TOX: variants seen among roughly 807,000 people sequenced by gnomAD.
The protein encoded by TOX is thymocyte selection associated high mobility group box.
In TOX, 11 loss-of-function variants were observed where a neutral mutation model predicts 53.7. That is an observed-to-expected ratio of 0.20 (90% CI 0.13 to 0.34). The LOEUF (loss-of-function observed/expected upper bound fraction) is 0.34, where lower values mean the gene tolerates loss of function less well. TOX is among the 10% of genes least tolerant of loss of function. TOX has a pLI of 1.00. For missense variants in TOX, 570 were observed against 664.6 expected, an observed-to-expected ratio of 0.86 and a Z score of 1.56; for synonymous variants, 225 against 245.3, an observed-to-expected ratio of 0.92 and a Z score of 0.77.
At chr8:58,905,765 T>C (rs1563385408) in intron 3 of TOX, among the ~76,000 whole-genome samples, 1 of 152,228 alleles carries the variant, frequency 6.6e-6, no homozygotes. Flanking sequence ...GAGTTACAAT[T>C]TGGATTCCCT....
chr8:59,074,043 A>G (rs927842109), intron 1 of TOX, among the ~76,000 whole-genome samples: 1 of 152,210 alleles, frequency 6.6e-6, no homozygotes, highest in Non-Finnish European at 1.5e-5. Context: ...AAACCATGGC[A>G]ATAAGTACCA....
intron 1 of TOX, among the ~76,000 whole-genome samples, chr8:59,049,536 T>G (rs1803752684): frequency 6.6e-6 from 1 of 152,196 alleles, no homozygotes. Context: ...ACTGGATTTT[T>G]TTTCGAACAT....
At chr8:58,927,046 C>G in intron 3 of TOX, among the ~76,000 whole-genome samples, 1 of 126,130 alleles carries the variant, frequency 7.9e-6, no homozygotes, top group Non-Finnish European at 1.7e-5. Flanking sequence ...CATTGTCACA[C>G]CTTTTTTTTT....
At chr8:58,980,257 C>A (rs1813177625) in intron 1 of TOX, among the ~76,000 whole-genome samples, 1 of 152,150 alleles carries the variant, frequency 6.6e-6, no homozygotes, top group South Asian at 2.1e-4. Flanking sequence ...GAGAGCCCAT[C>A]TTCTCTCCCC....
At chr8:59,115,973 C>G (rs942425599) in intron 1 of TOX, among the ~76,000 whole-genome samples, 6 of 152,032 alleles carry the variant, frequency 3.9e-5, no homozygotes, top group African/African-American at 1.4e-4. Flanking sequence ...ATCTATAGAG[C>G]AGCAGTGCCG....
chr8:58,833,345 T>C (rs189904439), intron 5 of TOX, among the ~76,000 whole-genome samples: 166 of 152,362 alleles, frequency 1.1e-3, no homozygotes, highest in Non-Finnish European at 1.7e-3. Flanking sequence ...AAGAACACTT[T>C]ATAGCTCTTT....
intron 1 of TOX, among the ~76,000 whole-genome samples, chr8:59,074,795 G>T (rs993348568): frequency 9.2e-5 from 14 of 152,148 alleles, no homozygotes; most frequent in Admixed American, 9.2e-4. Flanking sequence ...AAAAGACAAA[G>T]ACAAGAGAAT....
intron 7 of TOX, 71 bp downstream of exon 7, chr8:58,815,267 G>A: frequency 1.3e-6 from 2 of 1,509,696 alleles, no homozygotes; most frequent in Non-Finnish European, 1.8e-6. Context: ...TGGATAAACA[G>A]CTCCCCCCAC....
At position 58,854,787 on chromosome 8, in the gene TOX, C is replaced by T. The variant is rs868086777; in HGVS notation, c.412-2982G>A. The stretch of plus-strand genomic sequence containing the variant: ...TACACTTACAAACAGTGGGATCTAC[C>T]CATGGCAACATTTCTGAATTAGGAG... On this transcript the variant is annotated intron_variant, in intron 3 of 8. Coordinates refer to ENST00000361421, the MANE Select transcript of TOX (RefSeq NM_014729.3). Among the ~76,000 whole-genome samples the T allele has an allele frequency of 9.2e-5, 14 of 152,186 alleles. No individual in the cohort carries two copies. The Middle Eastern group carries it at 0.02, about 222-fold the overall frequency.
At chr8:59,064,649 C>G (rs1306541720) in intron 1 of TOX, among the ~76,000 whole-genome samples, 2 of 152,046 alleles carry the variant, frequency 1.3e-5, no homozygotes, top group Non-Finnish European at 2.9e-5. Context: ...CATGAAATCA[C>G]AAGTAAATAA....
intron 1 of TOX, among the ~76,000 whole-genome samples, chr8:58,984,259 T>C (rs1813280903): frequency 6.6e-6 from 1 of 152,184 alleles, no homozygotes; most frequent in African/African-American, 2.4e-5. Flanking sequence ...TTGTAAATCA[T>C]ATATATCTGA....
chr8:59,020,618 T>C (rs945370195), intron 1 of TOX, among the ~76,000 whole-genome samples: 1 of 152,192 alleles, frequency 6.6e-6, no homozygotes, highest in African/African-American at 2.4e-5. Context: ...TTAAGTGTCA[T>C]GTAAAAGTAT....
chr8:59,119,022 C>A lies in TOX; in HGVS notation c.-35G>T. On this transcript the variant is annotated 5_prime_UTR_variant, in exon 1 of 9. Transcript: ENST00000361421. ...ACATCAAGCAACTCCTTTTCTTTTT[C>A]CTTTTTTAAAAAAAAGTGTTCAGCA... The A allele has an allele frequency of 1.3e-6, 2 of 1,484,920 alleles. No homozygotes were observed. The highest frequency in any genetic ancestry group is 2.3e-5 in the South Asian group (2 of 86,970). 92.0% of individuals were successfully genotyped at this position (1,484,920 alleles called of 1,614,324 possible).
At chr8:59,060,225 T>C (rs185479584) in intron 1 of TOX, among the ~76,000 whole-genome samples, 4 of 152,362 alleles carry the variant, frequency 2.6e-5, no homozygotes, top group African/African-American at 7.2e-5. Flanking sequence ...CGTGTCTTTA[T>C]GTCTTTTCAT....
At chr8:58,889,395 T>C (rs1297246537) in intron 3 of TOX, among the ~76,000 whole-genome samples, 8 of 151,902 alleles carry the variant, frequency 5.3e-5, no homozygotes, top group South Asian at 2.1e-4. Flanking sequence ...TAGTGTGTCA[T>C]CTTTTGTAAA....
At chr8:59,069,819 A>G (rs1804161392) in intron 1 of TOX, among the ~76,000 whole-genome samples, 1 of 152,232 alleles carries the variant, frequency 6.6e-6, no homozygotes. Context: ...CTGAGAGGAG[A>G]GGCTTCAAAA....
At chr8:58,841,556 T>C (rs566865855) in intron 4 of TOX, among the ~76,000 whole-genome samples, 1 of 152,294 alleles carries the variant, frequency 6.6e-6, no homozygotes, top group East Asian at 1.9e-4. Flanking sequence ...AGACTTTCAG[T>C]TATAAGATGA....
chr8:58,823,042 T>A (rs2129165402), intron 6 of TOX, among the ~76,000 whole-genome samples: 1 of 152,336 alleles, frequency 6.6e-6, no homozygotes, highest in South Asian at 2.1e-4. Flanking sequence ...ATATTTTTGT[T>A]ACTATTGGAA....
chr8:58,869,418 A>T (rs1456112608), intron 3 of TOX, among the ~76,000 whole-genome samples: 2 of 152,020 alleles, frequency 1.3e-5, no homozygotes, highest in Non-Finnish European at 2.9e-5. Context: ...CAATCTTCCA[A>T]AAAAAATCAC....
Sources: allele counts gnomAD v4.1 joint callset (sites outside exome capture counted in the v4.1 genomes callset), GRCh38; gene constraint gnomAD v4.1.1; transcripts MANE v1.5; gene names NCBI Gene and HGNC (gene_info 2026-07-23, HGNC 2026-07-21).